DAB1: variants seen among roughly 807,000 people sequenced by gnomAD.
DAB1 encodes DAB adaptor protein 1, also known as disabled homolog 1.
In DAB1, 15 loss-of-function variants were observed where a neutral mutation model predicts 64.6. The ratio of observed to expected loss-of-function variants is 0.23; its 90% CI spans 0.16 to 0.36. The LOEUF is 0.36. DAB1 is among the 10% of genes least tolerant of loss of function. The pLI is 1.00. For synonymous variants in DAB1, 235 were observed against 251.9 expected (o/e 0.93, Z 0.64); for missense variants, 596 against 706.7 (o/e 0.84, Z 1.78).
At chr1:57,464,129 A>G (rs929828091) in intron 7 of DAB1, among the ~76,000 whole-genome samples, 1 of 152,216 alleles carries the variant, frequency 6.6e-6, no homozygotes, top group Non-Finnish European at 1.5e-5. Flanking sequence ...AATGCTCTAC[A>G]TGGATTTTCA....
At chr1:57,353,091 C>T (rs1678720188) in intron 1 of DAB1, among the ~76,000 whole-genome samples, 1 of 143,874 alleles carries the variant, frequency 7.0e-6, no homozygotes, top group Non-Finnish European at 1.5e-5. Flanking sequence ...TACATATTTT[C>T]CATATATATA....
chr1:57,678,575 G>GA (rs1646596171), intron 6 of DAB1, among the ~76,000 whole-genome samples: 1 of 152,110 alleles, frequency 6.6e-6, no homozygotes, highest in Non-Finnish European at 1.5e-5. Context: ...CTAGAGATGG[G>GA]ACCTCAGGGG....
At chr1:57,063,325 G>T (rs1650591564) in intron 8 of DAB1, among the ~76,000 whole-genome samples, 1 of 152,138 alleles carries the variant, frequency 6.6e-6, no homozygotes, top group Non-Finnish European at 1.5e-5. Context: ...AAAACAGTTT[G>T]CAGCTGAGCT....
intron 2 of DAB1, among the ~76,000 whole-genome samples, chr1:57,280,652 C>T (rs1035953627): frequency 6.6e-6 from 1 of 152,142 alleles, no homozygotes; most frequent in Admixed American, 6.6e-5. Flanking sequence ...ACTAATATGG[C>T]AAATCTTATA....
chr1:57,389,095 C>A (rs1039560582), intron 1 of DAB1, among the ~76,000 whole-genome samples: 1 of 152,190 alleles, frequency 6.6e-6, no homozygotes, highest in Non-Finnish European at 1.5e-5. Context: ...ATGGGTGGAA[C>A]CTTGTCCTAT....
Position 58,147,777 on chromosome 1 carries a change from A to C in DAB1, n.387+2734T>G, listed in dbSNP as rs1050348299. On this transcript the variant is annotated intron_variant and non_coding_transcript_variant, in intron 5 of 20. Transcript: ENST00000485760. ...ATGTGCTAGATATTCCCACAAATGCAGTCTCATCTGACCCAACAGTATAAA... is the reference window on the plus strand; with the variant it reads ...ATGTGCTAGATATTCCCACAAATGCCGTCTCATCTGACCCAACAGTATAAA... Among the ~76,000 whole-genome samples, 66 of 152,324 alleles carry C rather than the reference A, an allele frequency of 4.3e-4. 2 individuals carry two copies. Among genetic ancestry groups the C allele is most frequent in the Admixed American group, 4.3e-3 (66 of 15,306 alleles).
chr1:58,465,230 C>T (rs1645282788), intron 3 of DAB1, among the ~76,000 whole-genome samples: 1 of 152,198 alleles, frequency 6.6e-6, no homozygotes, highest in Non-Finnish European at 1.5e-5. Flanking sequence ...GCAGGTACAG[C>T]CCCTGAGCAC....
intron 6 of DAB1, among the ~76,000 whole-genome samples, chr1:57,807,040 C>T (rs994499231): frequency 1.3e-5 from 2 of 152,252 alleles, no homozygotes; most frequent in Non-Finnish European, 2.9e-5. Flanking sequence ...GTGCTCTCCC[C>T]GACTGGCATG....
intron 2 of DAB1, among the ~76,000 whole-genome samples, chr1:57,233,749 C>T (rs907318176): frequency 6.6e-6 from 1 of 151,252 alleles, no homozygotes; most frequent in South Asian, 2.1e-4. Context: ...ACAGAGCGAG[C>T]CTCTGTCTCA....
intron 7 of DAB1, among the ~76,000 whole-genome samples, chr1:57,501,274 G>A (rs1254258428): frequency 6.6e-6 from 1 of 152,196 alleles, no homozygotes; most frequent in East Asian, 1.9e-4. Context: ...ACTTACTGGA[G>A]GATGAAAGCC....
chr1:58,089,475 GAT>G (rs1329743189), intron 5 of DAB1, among the ~76,000 whole-genome samples: 3 of 152,210 alleles, frequency 2.0e-5, no homozygotes, highest in African/African-American at 7.2e-5. Flanking sequence ...TGGAAGGAGA[GAT>G]ATATTAGAAG....
chr1:57,426,695 T>C (rs940275709), upstream of DAB1, among the ~76,000 whole-genome samples: 4 of 152,120 alleles, frequency 2.6e-5, no homozygotes, highest in East Asian at 1.9e-4. Context: ...CAGCAGCCCA[T>C]TGGGGAAGGC....
intron 5 of DAB1, among the ~76,000 whole-genome samples, chr1:58,062,228 G>T (rs1648546144): frequency 6.6e-6 from 1 of 152,170 alleles, no homozygotes; most frequent in African/African-American, 2.4e-5. Flanking sequence ...CCATCACCTT[G>T]TTCAGGCAGG....
chr1:57,560,037 C>T (rs1017825470), intron 7 of DAB1, among the ~76,000 whole-genome samples: 2 of 152,216 alleles, frequency 1.3e-5, no homozygotes, highest in East Asian at 3.9e-4. Flanking sequence ...AACTGCTGTA[C>T]CAGATGTGGT....
intron 4 of DAB1, among the ~76,000 whole-genome samples, chr1:58,252,354 GATTTTC>G (rs1410810394): frequency 2.6e-5 from 4 of 152,164 alleles, no homozygotes; most frequent in African/African-American, 7.2e-5. Context: ...GAGCAGGAAA[GATTTTC>G]ATTTTGTTTA....
chr1:58,481,340 T>C (rs906514362), intron 3 of DAB1, among the ~76,000 whole-genome samples: 2 of 152,174 alleles, frequency 1.3e-5, no homozygotes, highest in African/African-American at 4.8e-5. Context: ...CTGAAAAATC[T>C]ACAGTGAACA....
chr1:57,181,474 C>T (rs570712119), intron 2 of DAB1, among the ~76,000 whole-genome samples: 5 of 152,264 alleles, frequency 3.3e-5, no homozygotes, highest in South Asian at 4.1e-4. Flanking sequence ...TGAAAATGCC[C>T]ATGACAATCT....
In DAB1 at chr1:58,534,854, T is replaced by G. The variant is rs548308164; in HGVS notation, n.33-7519A>C. ...GGGAGGCTGAAGTGGGAGGATCGCT[T>G]GAGTCTAGGAGGTGGAGGTTGCAGT... is the stretch of plus-strand genomic sequence containing the variant. On this transcript the variant is annotated intron_variant and non_coding_transcript_variant, in intron 1 of 20. Coordinates refer to the DAB1 transcript ENST00000485760. 7.9e-5 allele frequency among the ~76,000 whole-genome samples: 12 copies of G among 152,270 alleles called. No homozygotes were observed. In the South Asian group the frequency reaches 2.5e-3, roughly 32 times the overall value.
chr1:57,972,085 G>A (rs1331461595), intron 5 of DAB1, among the ~76,000 whole-genome samples: 1 of 152,182 alleles, frequency 6.6e-6, no homozygotes, highest in Non-Finnish European at 1.5e-5. Context: ...AGATACCATT[G>A]TGATTAATAA....
Sources: allele counts gnomAD v4.1 joint callset (sites outside exome capture counted in the v4.1 genomes callset), GRCh38; gene constraint gnomAD v4.1.1; transcripts MANE v1.5; gene names NCBI Gene and HGNC (gene_info 2026-07-23, HGNC 2026-07-21).